Variants in KAZN observed in about 807,000 individuals in gnomAD.
KAZN encodes kazrin, periplakin interacting protein.
In KAZN, 40 loss-of-function variants were observed where a neutral mutation model predicts 87.4. The observed-to-expected ratio is 0.46, with a 90% CI of 0.36 to 0.60. The LOEUF is 0.60. Ranked by LOEUF, KAZN falls within the 20% of genes least tolerant of loss-of-function variation. The pLI is 0.00. For synonymous variants in KAZN, 466 were observed against 458.3 expected, an observed-to-expected ratio of 1.02 and a Z score of -0.22; for missense variants, 898 against 1,073.9, an observed-to-expected ratio of 0.84 and a Z score of 2.29.
chr1:14,825,730 G>A (rs1358325969), intron 1 of KAZN, among the ~76,000 whole-genome samples: 5 of 152,222 alleles, frequency 3.3e-5, no homozygotes, highest in South Asian at 2.1e-4. Flanking sequence ...TCCCATTGTC[G>A]CCTGATCAAG....
chr1:15,019,316 C>A (rs561474662), intron 2 of KAZN, among the ~76,000 whole-genome samples: 1 of 152,342 alleles, frequency 6.6e-6, no homozygotes, highest in Non-Finnish European at 1.5e-5. Flanking sequence ...CAGACCCACC[C>A]AGCCTGAACC....
At chr1:14,719,025 C>G (rs1026989235) in intron 1 of KAZN, among the ~76,000 whole-genome samples, 3 of 152,078 alleles carry the variant, frequency 2.0e-5, no homozygotes, top group African/African-American at 7.2e-5. Flanking sequence ...GCTTGGTTTC[C>G]AAGAACAGCG....
chr1:15,060,400 G>A (rs1001434211), intron 6 of KAZN, 98 bp downstream of exon 6: 116 of 1,490,866 alleles, frequency 7.8e-5, no homozygotes, highest in Non-Finnish European at 9.1e-5. Flanking sequence ...GTTTCCTCTC[G>A]TCCACCCAGG....
At chr1:14,478,206 G>A (rs1156872918) in intron 2 of KAZN, among the ~76,000 whole-genome samples, 13 of 146,516 alleles carry the variant, frequency 8.9e-5, no homozygotes, top group Admixed American at 1.4e-4. Context: ...AGATGGATGG[G>A]TGGATAGATG....
chr1:15,096,469 C>A lies in KAZN; in HGVS notation c.1547+1536C>A, dbSNP rs1315710229. Among the ~76,000 whole-genome samples, 2 of 152,246 alleles carry A rather than the reference C, an allele frequency of 1.3e-5. No homozygotes were observed. Among genetic ancestry groups the A allele is most frequent in the Admixed American group, 6.5e-5 (1 of 15,292 alleles). On this transcript the variant is annotated intron_variant, in intron 10 of 14. Coordinates refer to ENST00000376030, the MANE Select transcript of KAZN (RefSeq NM_201628.3). This position sits in a 1 kb window ranked among gnomAD's most constrained non-coding sequence, Gnocchi z 4.5. ...GGGGTGCGGCCTGCCCAGCCCCTGC[C>A]CCCGACAGCCTCGTCCCCCAGCATG... is the stretch of plus-strand genomic sequence containing the variant.
intron 1 of KAZN, among the ~76,000 whole-genome samples, chr1:14,808,544 C>CA (rs1197860034): frequency 6.6e-6 from 1 of 151,722 alleles, no homozygotes; most frequent in Non-Finnish European, 1.5e-5. Flanking sequence ...GTGATCCACC[C>CA]ACCTCAGCCT....
At chr1:14,163,728 C>G (rs10928045) in intron 1 of KAZN, among the ~76,000 whole-genome samples, 22,123 of 152,192 alleles carry the variant, frequency 0.15, 1,795 homozygotes, top group East Asian at 0.33. Context: ...GACATTCCTG[C>G]GTGGAGGCCC....
intron 1 of KAZN, among the ~76,000 whole-genome samples, chr1:14,630,233 GT>G (rs1299451978): frequency 6.6e-6 from 1 of 152,186 alleles, no homozygotes; most frequent in Non-Finnish European, 1.5e-5. Context: ...TCCTGATGCC[GT>G]ATTCACCCTA....
intron 1 of KAZN, among the ~76,000 whole-genome samples, chr1:14,809,914 A>C (rs747661961): frequency 3.9e-5 from 6 of 152,170 alleles, no homozygotes; most frequent in Non-Finnish European, 7.3e-5. Flanking sequence ...TGAAAAACAT[A>C]ATACAAGGTA....
chr1:14,952,591 G>C (rs1418414103), intron 1 of KAZN, among the ~76,000 whole-genome samples: 1 of 152,082 alleles, frequency 6.6e-6, no homozygotes, highest in Admixed American at 6.5e-5. Flanking sequence ...GCGTGAGGCT[G>C]TTGATCAGGG....
At chr1:14,458,698 G>A (rs758927253) in intron 2 of KAZN, among the ~76,000 whole-genome samples, 14 of 152,216 alleles carry the variant, frequency 9.2e-5, no homozygotes, top group Middle Eastern at 3.4e-3. Context: ...TGGCGTTCAA[G>A]GGTTCTCATT....
intron 1 of KAZN, among the ~76,000 whole-genome samples, chr1:14,839,230 G>A (rs1293412915): frequency 6.6e-6 from 1 of 152,134 alleles, no homozygotes; most frequent in East Asian, 1.9e-4. Flanking sequence ...AGTCTCCGGA[G>A]TGTTCTGTCT....
chr1:14,393,682 A>G (rs1049031763), intron 2 of KAZN, among the ~76,000 whole-genome samples: 50 of 152,040 alleles, frequency 3.3e-4, no homozygotes, highest in African/African-American at 9.7e-4. Context: ...CCCCAGGATT[A>G]TATTGCTAGC....
intron 1 of KAZN, among the ~76,000 whole-genome samples, chr1:14,744,626 C>T (rs966780910): frequency 5.3e-5 from 8 of 152,010 alleles, no homozygotes; most frequent in Admixed American, 2.0e-4. Context: ...GTCCCAGCTA[C>T]TCGGGAGGCT....
At chr1:14,322,575 A>G (rs1350515443) in intron 2 of KAZN, among the ~76,000 whole-genome samples, 2 of 152,208 alleles carry the variant, frequency 1.3e-5, no homozygotes, top group Admixed American at 6.5e-5. Flanking sequence ...TCTCCTACCT[A>G]AAGAAAAGGC....
chr1:13,955,006 A>G (rs1451422264), intron 1 of KAZN, among the ~76,000 whole-genome samples: 1 of 152,186 alleles, frequency 6.6e-6, no homozygotes, highest in African/African-American at 2.4e-5. Flanking sequence ...CGAAAGTAAC[A>G]TTTTCACTTT....
In KAZN at chr1:15,020,743, A is replaced by C. The variant is rs545941552; in HGVS notation, c.419-14006A>C. Among the ~76,000 whole-genome samples, 11 of 152,342 alleles carry C rather than the reference A, an allele frequency of 7.2e-5. No individual in the cohort carries two copies. The South Asian group carries it at 2.1e-3, about 29-fold the overall frequency. ...AGGGCCGCTGTGAACTTTTTCGTGC[A>C]GGTGAACGCACAGATGCAGGCCTTT... On this transcript the variant is annotated intron_variant, in intron 2 of 14. Transcript: ENST00000376030.
chr1:14,700,845 C>A (rs531363461), intron 1 of KAZN, among the ~76,000 whole-genome samples: 1 of 152,260 alleles, frequency 6.6e-6, no homozygotes, highest in Non-Finnish European at 1.5e-5. Context: ...CAATAGCCAC[C>A]TCTTAGCATG....
chr1:15,063,880 G>A (rs1044942814), intron 7 of KAZN, among the ~76,000 whole-genome samples: 2 of 151,556 alleles, frequency 1.3e-5, no homozygotes, highest in Non-Finnish European at 2.9e-5. Context: ...CATCCATGCC[G>A]CACACCCAAG....
Sources: allele counts gnomAD v4.1 joint callset (sites outside exome capture counted in the v4.1 genomes callset), GRCh38; gene constraint gnomAD v4.1.1; non-coding constraint Gnocchi (gnomAD v3.1); transcripts MANE v1.5; gene names NCBI Gene and HGNC (gene_info 2026-07-23, HGNC 2026-07-21).